Variants in CD1B observed in about 807,000 individuals in gnomAD.
CD1B encodes CD1b molecule, also known as T-cell surface glycoprotein CD1b.
A neutral mutation model predicts 39.8 loss-of-function variants in CD1B; 43 were observed. That is an observed-to-expected ratio of 1.08 (90% CI 0.85 to 1.39). The LOEUF is 1.39. Among genes scored for constraint, CD1B ranks in the 40% most tolerant of loss-of-function variants. The pLI is 0.00. For missense variants in CD1B, 495 were observed against 403.8 expected (o/e 1.23, Z -1.94); for synonymous variants, 192 against 152.5 (o/e 1.26, Z -1.91).
chr1:158,314,142 T>G, the CD1B span, among the ~76,000 whole-genome samples: 1 of 152,190 alleles, frequency 6.6e-6, no homozygotes, highest in Non-Finnish European at 1.5e-5. Flanking sequence ...TGGAGTGCAG[T>G]GGCACGATCT....
At chr1:158,291,404 A>G in the CD1B span, 11 of 1,612,502 alleles carry the variant, frequency 6.8e-6, no homozygotes, top group Admixed American at 3.3e-5. Context: ...TCGAAATGTA[A>G]GTTCAATCAT....
chr1:158,296,987 AAG>A, the CD1B span, among the ~76,000 whole-genome samples: 3 of 151,152 alleles, frequency 2.0e-5, no homozygotes, highest in Admixed American at 6.6e-5. Flanking sequence ...ATGTCCCTGA[AAG>A]AGAGAGAGAG....
the CD1B span, among the ~76,000 whole-genome samples, chr1:158,319,577 C>A: frequency 3.3e-5 from 5 of 152,140 alleles, no homozygotes; most frequent in South Asian, 2.1e-4. Context: ...AATTTTTTTC[C>A]AAGTTTTCAA....
the CD1B span, chr1:158,292,114 G>A: frequency 6.2e-7 from 1 of 1,614,108 alleles, no homozygotes; most frequent in South Asian, 1.1e-5. Flanking sequence ...AAAGCGGGCT[G>A]TGAGCTGCAT....
At chr1:158,315,439 G>T in the CD1B span, among the ~76,000 whole-genome samples, 1 of 151,884 alleles carries the variant, frequency 6.6e-6, no homozygotes, top group Non-Finnish European at 1.5e-5. Flanking sequence ...GTGTTTTTTG[G>T]CTGCATAAAG....
At chr1:158,299,902 G>A in the CD1B span, among the ~76,000 whole-genome samples, 1 of 151,928 alleles carries the variant, frequency 6.6e-6, no homozygotes, top group East Asian at 1.9e-4. Context: ...TCTTGCTAGT[G>A]GTCTATCAAT....
the CD1B span, among the ~76,000 whole-genome samples, chr1:158,303,527 A>C: frequency 6.6e-6 from 1 of 152,208 alleles, no homozygotes; most frequent in Non-Finnish European, 1.5e-5. Context: ...AAAACCCCAT[A>C]GTCTCTGTGC....
the CD1B span, among the ~76,000 whole-genome samples, chr1:158,318,515 G>T: frequency 3.9e-5 from 6 of 151,984 alleles, no homozygotes; most frequent in African/African-American, 1.5e-4. Context: ...CCATTTGCTT[G>T]GTAGATCTTC....
chr1:158,291,253 G>C, the CD1B span: 1 of 1,614,094 alleles, frequency 6.2e-7, no homozygotes, highest in South Asian at 1.1e-5. Flanking sequence ...CTGGGACAGT[G>C]AATCAGGCAC....
At chr1:158,306,117 A>C in the CD1B span, among the ~76,000 whole-genome samples, 1 of 152,244 alleles carries the variant, frequency 6.6e-6, no homozygotes, top group Admixed American at 6.5e-5. Context: ...AAATGCTCCA[A>C]TTAAAAGACA....
the CD1B span, among the ~76,000 whole-genome samples, chr1:158,285,934 G>T: frequency 1.3e-5 from 2 of 152,158 alleles, no homozygotes; most frequent in African/African-American, 4.8e-5. Flanking sequence ...TAATGGGGAA[G>T]TAGGCAGAGG....
the CD1B span, among the ~76,000 whole-genome samples, chr1:158,320,193 G>T: frequency 3.9e-5 from 6 of 152,218 alleles, no homozygotes; most frequent in Non-Finnish European, 8.8e-5. Context: ...CACCCAGTTC[G>T]AGCTTCCTGG....
chr1:158,295,259 G>C, the CD1B span, among the ~76,000 whole-genome samples: 1 of 152,014 alleles, frequency 6.6e-6, no homozygotes, highest in Non-Finnish European at 1.5e-5. Context: ...AGTGGATGGA[G>C]GGAGAATGCA....
rs922116921 is a variant in CD1B, at chr1:158,331,460, G to A, written c.-37C>T. 1.3e-6 allele frequency: 2 copies of A among 1,557,528 alleles called. No individual in the cohort carries two copies. The highest frequency in any genetic ancestry group is 8.9e-7 in the Non-Finnish European group (1 of 1,129,466). ...ATGCAACTTCTTACTGGCAGAGCTG[G>A]TATTTGATCTCCAATTTCAGCAAAG... On this transcript the variant is annotated 5_prime_UTR_variant, in exon 1 of 6. Transcript: ENST00000368168.
At chr1:158,312,595 G>A in the CD1B span, among the ~76,000 whole-genome samples, 4,744 of 151,856 alleles carry the variant, frequency 0.031, 99 homozygotes, top group Non-Finnish European at 0.045. Flanking sequence ...TTATTCTTAA[G>A]TATCTTATAT....
chr1:158,331,360 T>A lies in CD1B; in HGVS notation c.61+3A>T, dbSNP rs1339140623. On this transcript the variant is annotated splice_donor_region_variant and intron_variant, in intron 1 of 5. Coordinates refer to ENST00000368168, the MANE Select transcript of CD1B (RefSeq NM_001764.3). The stretch of plus-strand genomic sequence containing the variant: ...TGCTGGGAGCTGCCAGAGTGACTCT[T>A]ACCATGTTCACTGTTACCACCAGGA... 6.2e-7 allele frequency: 1 copy of A among 1,613,094 alleles called. No individual in the cohort carries two copies. The highest frequency in any genetic ancestry group is 8.5e-7 in the Non-Finnish European group (1 of 1,179,094).
the CD1B span, among the ~76,000 whole-genome samples, chr1:158,309,752 G>A: frequency 1.4e-5 from 2 of 141,978 alleles, no homozygotes; most frequent in Non-Finnish European, 3.0e-5. Context: ...AACACTGCAT[G>A]TTCTCACTCA....
chr1:158,315,273 A>G, the CD1B span, among the ~76,000 whole-genome samples: 1 of 152,162 alleles, frequency 6.6e-6, no homozygotes, highest in Admixed American at 6.5e-5. Context: ...AGTCCCATCA[A>G]CAGTGTAAAA....
At chr1:158,313,769 G>A in the CD1B span, among the ~76,000 whole-genome samples, 1 of 152,134 alleles carries the variant, frequency 6.6e-6, no homozygotes, top group Non-Finnish European at 1.5e-5. Context: ...ATATTTGGTA[G>A]AATTCAGCAG....
Sources: gnomAD v4.1 joint callset for allele counts (sites outside exome capture counted in the v4.1 genomes callset) on GRCh38, gnomAD v4.1.1 for gene constraint, MANE v1.5 for transcripts, NCBI Gene and HGNC (gene_info 2026-07-23, HGNC 2026-07-21) for gene names.